Variants in MNAT1 observed in about 807,000 individuals in gnomAD.
The protein encoded by MNAT1 is MNAT1 component of CDK activating kinase.
Under a neutral mutation model 42.0 loss-of-function variants are expected in MNAT1, and 43 were observed. That is an observed-to-expected ratio of 1.02 (90% CI 0.80 to 1.32). MNAT1 has a LOEUF of 1.32. Ranked by LOEUF, MNAT1 falls within the 40% of genes most tolerant of loss-of-function variation. The pLI is 0.00. For missense variants in MNAT1, 306 were observed against 350.4 expected (o/e 0.87, Z 1.01); for synonymous variants, 118 against 120.0 (o/e 0.98, Z 0.11).
At chr14:60,953,408 G>T (rs1350543197) in intron 7 of MNAT1, among the ~76,000 whole-genome samples, 1 of 152,098 alleles carries the variant, frequency 6.6e-6, no homozygotes, top group Non-Finnish European at 1.5e-5. Context: ...AAGATAGAAA[G>T]CAACAATATT....
intron 6 of MNAT1, among the ~76,000 whole-genome samples, chr14:60,849,437 T>C (rs750887537): frequency 6.6e-6 from 1 of 152,188 alleles, no homozygotes; most frequent in Non-Finnish European, 1.5e-5. Context: ...TATAGTCTGC[T>C]CTAAAGATGA....
intron 5 of MNAT1, among the ~76,000 whole-genome samples, chr14:60,816,848 G>C (rs924328363): frequency 2.0e-5 from 3 of 151,972 alleles, no homozygotes; most frequent in African/African-American, 7.2e-5. Flanking sequence ...ACTAAATTCT[G>C]TGCTTCAATA....
At chr14:60,788,307 T>C (rs1390028903) in intron 1 of MNAT1, among the ~76,000 whole-genome samples, 1 of 152,182 alleles carries the variant, frequency 6.6e-6, no homozygotes, top group Non-Finnish European at 1.5e-5. Flanking sequence ...TGGGTTCAAA[T>C]ATTAAGCAAA....
chr14:60,772,835 C>A (rs2031108669), intron 1 of MNAT1, among the ~76,000 whole-genome samples: 1 of 150,198 alleles, frequency 6.7e-6, no homozygotes, highest in African/African-American at 2.4e-5. Flanking sequence ...AATCCCAAGG[C>A]TTTGAGGTGT....
chr14:60,927,616 G>A (rs1289301336), intron 7 of MNAT1, among the ~76,000 whole-genome samples: 2 of 152,156 alleles, frequency 1.3e-5, no homozygotes, highest in African/African-American at 2.4e-5. Context: ...TTATCGTTTT[G>A]TAAGTAAAGT....
intron 1 of MNAT1, among the ~76,000 whole-genome samples, chr14:60,782,443 A>T (rs2031496697): frequency 6.6e-6 from 1 of 151,860 alleles, no homozygotes; most frequent in Admixed American, 6.6e-5. Context: ...CTGGAATGTC[A>T]TCCTTCTTTC....
chr14:60,828,850 T>C (rs1241721714), intron 6 of MNAT1, among the ~76,000 whole-genome samples: 1 of 152,168 alleles, frequency 6.6e-6, no homozygotes, highest in Non-Finnish European at 1.5e-5. Flanking sequence ...TGATTTATTA[T>C]AAAGAATATT....
chr14:60,772,614 A>C lies in MNAT1; in HGVS notation c.90-23603A>C, dbSNP rs2031100697. On this transcript the variant is annotated intron_variant, in intron 1 of 7. Coordinates refer to ENST00000261245, the MANE Select transcript of MNAT1 (RefSeq NM_002431.4). ...CCATTTCAAAAAAAAAAAAAAGCCAATTCTTGGCTTTCCAAAAAAAAATCA... is the reference window on the plus strand; with the variant it reads ...CCATTTCAAAAAAAAAAAAAAGCCACTTCTTGGCTTTCCAAAAAAAAATCA... Among the ~76,000 whole-genome samples the C allele has an allele frequency of 2.0e-5, 3 of 152,018 alleles. No individual in the cohort carries two copies. The South Asian group carries it at 6.2e-4, about 31-fold the overall frequency.
chr14:60,899,204 A>G (rs1466964162), intron 7 of MNAT1, among the ~76,000 whole-genome samples: 3 of 152,166 alleles, frequency 2.0e-5, no homozygotes, highest in Non-Finnish European at 2.9e-5. Flanking sequence ...AAGCAATACA[A>G]AGATATAGAT....
chr14:60,917,126 C>T (rs1470829732), intron 7 of MNAT1, among the ~76,000 whole-genome samples: 11 of 152,042 alleles, frequency 7.2e-5, no homozygotes, highest in Admixed American at 4.6e-4. Flanking sequence ...AAGAAGTCAC[C>T]GCTCAAATTG....
Position 60,968,394 on chromosome 14 carries a change from A to G in MNAT1, c.*45A>G. On this transcript the variant is annotated 3_prime_UTR_variant, in exon 8 of 8. Coordinates refer to ENST00000261245, the MANE Select transcript of MNAT1 (RefSeq NM_002431.4). The stretch of plus-strand genomic sequence containing the variant: ...CTTGGAGCTGAACCAGGGAGCTAGC[A>G]AAAGTAAAGCAGACTTATAAAATTA... The G allele has an allele frequency of 6.3e-7, 1 of 1,591,284 alleles. No individual in the cohort carries two copies. The highest frequency in any genetic ancestry group is 8.5e-7 in the Non-Finnish European group (1 of 1,171,960).
Position 60,850,623 on chromosome 14 carries a change from A to G in MNAT1, c.688-29091A>G, listed in dbSNP as rs2033800973. Among the ~76,000 whole-genome samples, 3 of 152,226 alleles carry G rather than the reference A, an allele frequency of 2.0e-5. No homozygotes were observed. The South Asian group carries it at 6.2e-4, about 32-fold the overall frequency. On this transcript the variant is annotated intron_variant, in intron 6 of 7. Coordinates refer to ENST00000261245, the MANE Select transcript of MNAT1 (RefSeq NM_002431.4). The stretch of plus-strand genomic sequence containing the variant: ...AAATAACCTTATTCATGCTTGGAAT[A>G]ACCTTACAGTGTATTGTTTGTGAGA...
intron 7 of MNAT1, among the ~76,000 whole-genome samples, chr14:60,914,693 C>G (rs1367188195): frequency 6.6e-6 from 1 of 152,164 alleles, no homozygotes; most frequent in Non-Finnish European, 1.5e-5. Flanking sequence ...ATAAAAAATT[C>G]TACATCCTAT....
intron 6 of MNAT1, among the ~76,000 whole-genome samples, chr14:60,840,574 A>G (rs1165511806): frequency 2.0e-5 from 3 of 152,164 alleles, no homozygotes; most frequent in African/African-American, 7.2e-5. Flanking sequence ...GGGGCCCTTG[A>G]TCCCAGTCCT....
At chr14:60,953,970 GTTAT>G (rs1424439853) in intron 7 of MNAT1, among the ~76,000 whole-genome samples, 9 of 151,914 alleles carry the variant, frequency 5.9e-5, no homozygotes. Flanking sequence ...TTTTAATCAG[GTTAT>G]TTGTTTTCTT....
intron 6 of MNAT1, among the ~76,000 whole-genome samples, chr14:60,856,551 C>T (rs917708348): frequency 2.0e-5 from 3 of 152,258 alleles, no homozygotes; most frequent in Admixed American, 2.0e-4. Flanking sequence ...AAAGATGATG[C>T]CATCTAGGAT....
chr14:60,796,192 T>C, intron 1 of MNAT1, 25 bp from the exon 2 acceptor site: 1 of 1,595,794 alleles, frequency 6.3e-7, no homozygotes, highest in Non-Finnish European at 8.5e-7. Context: ...GGCTTAAATG[T>C]TATGTTTTAT....
At chr14:60,910,257 A>G (rs1277121023) in intron 7 of MNAT1, among the ~76,000 whole-genome samples, 1 of 152,236 alleles carries the variant, frequency 6.6e-6, no homozygotes, top group Admixed American at 6.5e-5. Flanking sequence ...ATATACAATC[A>G]TGTCATCTGC....
intron 1 of MNAT1, among the ~76,000 whole-genome samples, chr14:60,736,373 C>G (rs1896310085): frequency 6.6e-6 from 1 of 151,872 alleles, no homozygotes; most frequent in African/African-American, 2.4e-5. Context: ...CCTAGCAGCA[C>G]TTAGCCATTC....
Sources: allele counts gnomAD v4.1 joint callset (sites outside exome capture counted in the v4.1 genomes callset), GRCh38; gene constraint gnomAD v4.1.1; transcripts MANE v1.5; gene names NCBI Gene and HGNC (gene_info 2026-07-23, HGNC 2026-07-21).